The following CPQ variants were observed in gnomAD, a reference collection of about 807,000 sequenced individuals.
The protein encoded by CPQ is carboxypeptidase Q.
A neutral mutation model predicts 45.7 loss-of-function variants in CPQ; 37 were observed. The observed-to-expected ratio is 0.81, with a 90% CI of 0.62 to 1.07. The LOEUF (loss-of-function observed/expected upper bound fraction) is 1.07, where lower values mean the gene tolerates loss of function less well. Ranked by LOEUF, CPQ falls within the 50% of genes least tolerant of loss-of-function variation. The probability of loss-of-function intolerance (pLI) is 0.00; values close to 1 mark genes in which losing one functional copy is unlikely to be tolerated. For synonymous variants in CPQ, 186 were observed against 205.8 expected (o/e 0.90, Z 0.82); for missense variants, 537 against 572.9 (o/e 0.94, Z 0.64).
At chr8:97,094,931 A>T (rs776697543) in intron 7 of CPQ, among the ~76,000 whole-genome samples, 1 of 152,140 alleles carries the variant, frequency 6.6e-6, no homozygotes, top group Admixed American at 6.5e-5. Context: ...CTTTTGGCCA[A>T]ATTGAACTGG....
intron 4 of CPQ, among the ~76,000 whole-genome samples, chr8:96,947,701 C>G (rs1335050794): frequency 6.6e-6 from 1 of 152,052 alleles, no homozygotes; most frequent in African/African-American, 2.4e-5. Context: ...AACTTTTTTT[C>G]TCCTTTCTCT....
intron 4 of CPQ, among the ~76,000 whole-genome samples, chr8:96,954,893 C>A (rs1813330518): frequency 1.3e-5 from 2 of 152,006 alleles, no homozygotes. Context: ...TGATGGTTTC[C>A]AGCTTCATCC....
intron 7 of CPQ, among the ~76,000 whole-genome samples, chr8:97,116,885 G>A (rs748995992): frequency 6.6e-6 from 1 of 152,238 alleles, no homozygotes; most frequent in South Asian, 2.1e-4. Context: ...TGGCCTTTGG[G>A]CTTGCTGTAG....
intron 7 of CPQ, among the ~76,000 whole-genome samples, chr8:97,139,457 A>T (rs969071657): frequency 1.3e-5 from 2 of 152,180 alleles, no homozygotes; most frequent in African/African-American, 2.4e-5. Flanking sequence ...ATTCTCTTCA[A>T]ATACACATGG....
chr8:96,699,844 A>G (rs1249728699), intron 1 of CPQ, among the ~76,000 whole-genome samples: 1 of 152,176 alleles, frequency 6.6e-6, no homozygotes, highest in Non-Finnish European at 1.5e-5. Flanking sequence ...TTATCACTCT[A>G]AACTGTCACC....
At chr8:96,935,853 A>G (rs1427393977) in intron 4 of CPQ, among the ~76,000 whole-genome samples, 3 of 152,146 alleles carry the variant, frequency 2.0e-5, no homozygotes, top group African/African-American at 7.2e-5. Context: ...CCTGAGATGA[A>G]AAGGTTTCCA....
At chr8:96,757,155 C>A (rs966913272) in intron 1 of CPQ, among the ~76,000 whole-genome samples, 1 of 152,030 alleles carries the variant, frequency 6.6e-6, no homozygotes, top group Non-Finnish European at 1.5e-5. Flanking sequence ...TGAGACCAGA[C>A]TGGCCACCAT....
chr8:96,720,263 T>C (rs573497661), intron 1 of CPQ, among the ~76,000 whole-genome samples: 1 of 152,042 alleles, frequency 6.6e-6, no homozygotes, highest in South Asian at 2.1e-4. Context: ...TTGGTTTCTA[T>C]TGATTACTTT....
chr8:96,835,127 GGTGGGGGCTTTGGC>G lies in CPQ; in HGVS notation c.589_602del (p.Val197IlefsTer66). 6.3e-7 allele frequency: 1 copy of G among 1,588,184 alleles called. No homozygotes were observed. The highest frequency in any genetic ancestry group is 1.1e-5 in the South Asian group (1 of 88,300). On this transcript the variant is annotated frameshift_variant, in exon 3 of 8. Transcript: ENST00000220763. LOFTEE classifies it high-confidence loss of function. ...CGCAGGGGGCGGTGGAAGCTGCCAA[GGTGGGGGCTTTGGC>G]ATCTCTCATTCGATCCGTGGCCTCC...
At chr8:96,977,324 C>CAA (rs34816638) in intron 5 of CPQ, among the ~76,000 whole-genome samples, 4 of 133,862 alleles carry the variant, frequency 3.0e-5, no homozygotes, top group East Asian at 2.2e-4. Flanking sequence ...TATCCGTAAT[C>CAA]AAAAAAAAAA....
At chr8:96,934,303 C>T (rs561864585) in intron 4 of CPQ, among the ~76,000 whole-genome samples, 1 of 152,298 alleles carries the variant, frequency 6.6e-6, no homozygotes, top group South Asian at 2.1e-4. Context: ...GTTGCTATGG[C>T]ATGGGAAGAC....
At chr8:96,657,196 T>C (rs763990812) in intron 1 of CPQ, among the ~76,000 whole-genome samples, 1 of 151,984 alleles carries the variant, frequency 6.6e-6, no homozygotes, top group Non-Finnish European at 1.5e-5. Context: ...AATACAAAAA[T>C]TAGCTGGACG....
intron 1 of CPQ, among the ~76,000 whole-genome samples, chr8:96,720,135 A>C (rs903255603): frequency 6.6e-6 from 1 of 152,226 alleles, no homozygotes; most frequent in African/African-American, 2.4e-5. Context: ...AAATGTACAT[A>C]TATCAAGACG....
intron 7 of CPQ, among the ~76,000 whole-genome samples, chr8:97,136,850 T>C (rs1812068763): frequency 6.6e-6 from 1 of 152,222 alleles, no homozygotes; most frequent in African/African-American, 2.4e-5. Flanking sequence ...TGTCAGAAGA[T>C]CCTATGCAAT....
intron 5 of CPQ, among the ~76,000 whole-genome samples, chr8:97,009,980 T>A (rs1809455781): frequency 6.6e-6 from 1 of 152,206 alleles, no homozygotes. Flanking sequence ...ATCTCATTCC[T>A]TGTTTTCCTT....
intron 7 of CPQ, among the ~76,000 whole-genome samples, chr8:97,127,188 A>T (rs187498575): frequency 6.6e-6 from 1 of 152,280 alleles, no homozygotes. Context: ...TAAAATTTCC[A>T]CTCTTTGGAA....
chr8:96,814,513 A>T (rs987071263), intron 2 of CPQ, among the ~76,000 whole-genome samples: 4 of 152,224 alleles, frequency 2.6e-5, no homozygotes, highest in African/African-American at 4.8e-5. Context: ...AAAATTTATT[A>T]GTGCTAAGAG....
intron 2 of CPQ, among the ~76,000 whole-genome samples, chr8:96,800,790 T>C (rs897233946): frequency 7.2e-5 from 11 of 152,260 alleles, no homozygotes; most frequent in Non-Finnish European, 4.4e-5. Context: ...TGCAAGAAGA[T>C]ATACAATCAA....
intron 2 of CPQ, among the ~76,000 whole-genome samples, chr8:96,833,130 G>C (rs1169456677): frequency 6.6e-6 from 1 of 152,084 alleles, no homozygotes; most frequent in East Asian, 1.9e-4. Flanking sequence ...GGAGACAGAG[G>C]AATCAGAGAT....
Sources: gnomAD v4.1 joint callset for allele counts (sites outside exome capture counted in the v4.1 genomes callset) on GRCh38, gnomAD v4.1.1 for gene constraint, MANE v1.5 for transcripts, NCBI Gene and HGNC (gene_info 2026-07-23, HGNC 2026-07-21) for gene names.